MON2: variants seen among roughly 807,000 people sequenced by gnomAD.
MON2 encodes the protein MON2 regulator of endosome-to-Golgi trafficking, also known as protein MON2 homolog.
MON2 carries 84 observed loss-of-function variants against 208.6 expected under a neutral mutation model. The observed-to-expected ratio is 0.40, with a 90% CI of 0.34 to 0.48. MON2 has a LOEUF of 0.48. Ranked by LOEUF, MON2 falls within the 20% of genes least tolerant of loss-of-function variation. The pLI, the probability that MON2 is intolerant of heterozygous loss-of-function variation, is 0.59. For synonymous variants in MON2, 660 were observed against 694.0 expected, an observed-to-expected ratio of 0.95 and a Z score of 0.77; for missense variants, 1,611 against 2,015.4, an observed-to-expected ratio of 0.80 and a Z score of 3.84.
chr12:62,547,312 A>G (rs1276034477), intron 22 of MON2, among the ~76,000 whole-genome samples: 1 of 152,186 alleles, frequency 6.6e-6, no homozygotes, highest in Non-Finnish European at 1.5e-5. Context: ...GTTTGGAAAG[A>G]TGGAAAAATT....
chr12:62,481,930 A>G (rs1405776429), intron 1 of MON2, among the ~76,000 whole-genome samples: 5 of 152,170 alleles, frequency 3.3e-5, no homozygotes, highest in African/African-American at 1.2e-4. Context: ...AGGCTAAACA[A>G]CTAGAACCAT....
chr12:62,469,906 ATTTATTTATTTATTTAT>A (rs1279703164), intron 1 of MON2, among the ~76,000 whole-genome samples: 57 of 32,252 alleles, frequency 1.8e-3, no homozygotes, highest in Admixed American at 3.7e-3. Flanking sequence ...TTATTTATTT[ATTTATTTATTTATTTAT>A]TTGAGACAGG....
At chr12:62,581,910 T>G (rs796912767) in intron 32 of MON2, among the ~76,000 whole-genome samples, 16 of 152,350 alleles carry the variant, frequency 1.1e-4, no homozygotes, top group African/African-American at 3.6e-4. Context: ...CTTAACTAGC[T>G]TCTCCTATTT....
chr12:62,501,840 C>T (rs1267431840), intron 7 of MON2, 142 bp downstream of exon 7: 12 of 844,408 alleles, frequency 1.4e-5, no homozygotes, highest in Non-Finnish European at 1.8e-5. Flanking sequence ...AATTGCAACA[C>T]TTTGGGAGGC....
chr12:62,532,405 C>T (rs770153157), intron 11 of MON2, 33 bp from the exon 12 acceptor site: 27 of 1,446,750 alleles, frequency 1.9e-5, no homozygotes, highest in African/African-American at 2.8e-5. Context: ...GTTGTGGCTT[C>T]TCATTAGTAT....
intron 30 of MON2, among the ~76,000 whole-genome samples, chr12:62,572,681 C>A (rs2074638359): frequency 6.6e-6 from 1 of 152,132 alleles, no homozygotes; most frequent in Non-Finnish European, 1.5e-5. Flanking sequence ...AACTTCTGGG[C>A]TCAAGTGATC....
chr12:62,498,997 G>T lies in MON2; in HGVS notation c.514G>T (p.Val172Phe). ...TACAGCTGCTGCTACAGTGCGACAA[G>T]TTGTTACTGTTGTTTTTGAGAGGAT... ...NNTAAATVRQ[V>F]VTVVFERMVA... The change falls in exon 5 of 35, where the codon GTT becomes TTT. Residue 172 changes from valine (V) to phenylalanine (F), a missense_variant. By Grantham distance (50) the Val-to-Phe change is conservative. Transcript: ENST00000393630. 3 of 1,613,360 alleles carry T rather than the reference G, an allele frequency of 1.9e-6. No individual in the cohort carries two copies. Among genetic ancestry groups the T allele is most frequent in the Non-Finnish European group, 2.5e-6 (3 of 1,179,718 alleles).
chr12:62,502,315 C>T (rs1197046990), intron 7 of MON2, among the ~76,000 whole-genome samples: 2 of 151,444 alleles, frequency 1.3e-5, no homozygotes, highest in African/African-American at 2.4e-5. Flanking sequence ...GCAGGAGAAT[C>T]GCTTGTGCCC....
At chr12:62,482,661 A>C (rs1298854085) in intron 1 of MON2, 1 of 152,244 alleles carries the variant, frequency 6.6e-6, no homozygotes, top group Non-Finnish European at 1.5e-5. Context: ...TGTCAATATT[A>C]TATCTCAGCA....
intron 23 of MON2, 55 bp downstream of exon 23, chr12:62,549,885 T>C: frequency 8.2e-7 from 1 of 1,214,794 alleles, no homozygotes; most frequent in Non-Finnish European, 1.1e-6. Context: ...TGTTATTCAG[T>C]TGGGAGTGAA....
At chr12:62,543,323 T>G in intron 20 of MON2, 125 bp downstream of exon 20, 1 of 451,454 alleles carries the variant, frequency 2.2e-6, no homozygotes, top group South Asian at 6.7e-5. Flanking sequence ...ACTGTGTACT[T>G]ACTTATGTTT....
chr12:62,477,596 T>G (rs2069162364), intron 1 of MON2, among the ~76,000 whole-genome samples: 1 of 124,114 alleles, frequency 8.1e-6, no homozygotes, highest in South Asian at 2.7e-4. Context: ...TTTTTTTTTT[T>G]TTTAGAGACA....
intron 11 of MON2, among the ~76,000 whole-genome samples, chr12:62,528,615 C>T (rs1428105280): frequency 6.6e-6 from 1 of 152,082 alleles, no homozygotes; most frequent in Admixed American, 6.5e-5. Flanking sequence ...CTTAACTATT[C>T]TAGTGCTTAA....
intron 33 of MON2, among the ~76,000 whole-genome samples, chr12:62,587,522 C>T (rs2075255747): frequency 6.6e-6 from 1 of 151,734 alleles, no homozygotes; most frequent in Non-Finnish European, 1.5e-5. Context: ...ATCACTTGAG[C>T]CCAGGAGTTC....
At chr12:62,583,519 A>G (rs952828144) in intron 32 of MON2, among the ~76,000 whole-genome samples, 1 of 152,180 alleles carries the variant, frequency 6.6e-6, no homozygotes, top group Non-Finnish European at 1.5e-5. Context: ...AAACTTCCAG[A>G]TTAAAAATAG....
intron 2 of MON2, among the ~76,000 whole-genome samples, chr12:62,488,726 G>A (rs1196587839): frequency 6.6e-6 from 1 of 151,974 alleles, no homozygotes. Context: ...AGATTACATA[G>A]TTTATCTACA....
intron 22 of MON2, among the ~76,000 whole-genome samples, chr12:62,548,664 A>G (rs770019403): frequency 5.3e-5 from 8 of 152,184 alleles, no homozygotes; most frequent in Non-Finnish European, 1.0e-4. Context: ...CTCCCAACCT[A>G]TAATGTGGTG....
chr12:62,527,019 G>A (rs934139620), intron 11 of MON2, among the ~76,000 whole-genome samples: 5 of 152,024 alleles, frequency 3.3e-5, no homozygotes, highest in Admixed American at 2.0e-4. Context: ...CCAGCTACTC[G>A]GGAAACTGAG....
At chr12:62,560,287 A>G (rs983156854) in intron 25 of MON2, 2 of 493,258 alleles carry the variant, frequency 4.1e-6, no homozygotes, top group Non-Finnish European at 3.5e-6. Flanking sequence ...CTTTGTTCCT[A>G]TATCTGAAAA....
Sources: allele counts gnomAD v4.1 joint callset (sites outside exome capture counted in the v4.1 genomes callset), GRCh38; gene constraint gnomAD v4.1.1; transcripts MANE v1.5; gene names NCBI Gene and HGNC (gene_info 2026-07-23, HGNC 2026-07-21).